The following OR9G1 variants were observed in gnomAD, a reference collection of about 807,000 sequenced individuals.
The protein encoded by OR9G1 is olfactory receptor 9G1.
Under a neutral mutation model 14.5 loss-of-function variants are expected in OR9G1, and 21 were observed. That is an observed-to-expected ratio of 1.45 (90% CI 1.03 to 2.09). OR9G1 has a LOEUF of 2.09. Ranked by LOEUF, OR9G1 falls within the 30% of genes most tolerant of loss-of-function variation. OR9G1 has a pLI of 0.00. For synonymous variants in OR9G1, 179 were observed against 153.3 expected (o/e 1.17, Z -1.24); for missense variants, 476 against 364.2 (o/e 1.31, Z -2.50).
In OR9G1 at chr11:56,700,905, T is replaced by A; in HGVS notation, c.518T>A (p.Ile173Asn). The change falls in exon 2 of 2, where the codon ATT (isoleucine) becomes AAT (asparagine). Residue 173 changes from isoleucine to asparagine, a missense_variant. Around this residue, in one of 3 missense-constraint regions of OR9G1, gnomAD observed 352 missense variants for 211.6 expected, o/e 1.66. Transcript: ENST00000642097. ...FSFNFCRENIIDDFFCDLLPL... is the reference protein window; with the variant it reads ...FSFNFCRENINDDFFCDLLPL... ...TTTAACTTCTGCCGTGAAAACATCA[T>A]TGATGACTTTTTCTGTGATTTGCTT... 1 of 1,614,268 alleles carries A rather than the reference T, an allele frequency of 6.2e-7. No individual in the cohort carries two copies. Among genetic ancestry groups the A allele is most frequent in the Non-Finnish European group, 8.5e-7 (1 of 1,180,016 alleles).
intron 1 of OR9G1, 85 bp from the exon 2 acceptor site, chr11:56,700,285 A>G (rs76620500): frequency 2.2e-6 from 3 of 1,357,672 alleles, no homozygotes; most frequent in East Asian, 2.6e-5. Flanking sequence ...AGACTTCACG[A>G]AACACTGCAA....
intron 1 of OR9G1, 143 bp from the exon 2 acceptor site, chr11:56,700,227 G>C (rs1243289512): frequency 7.7e-7 from 1 of 1,305,918 alleles, no homozygotes; most frequent in Admixed American, 3.1e-5. Context: ...AAGCCTGATT[G>C]TTGCAAAATG....
chr11:56,701,222 G>C lies in OR9G1; in HGVS notation c.835G>C (p.Val279Leu). ...MDKIVSTFYTVVFPMLNLMIY... is the reference protein window; with the variant it reads ...MDKIVSTFYTLVFPMLNLMIY... Reference sequence around the variant, plus strand: ...CAAAATAGTTTCTACATTTTACACTGTGGTATTCCCCATGTTGAATCTCAT... The same window carrying C: ...CAAAATAGTTTCTACATTTTACACTCTGGTATTCCCCATGTTGAATCTCAT... The change falls in exon 2 of 2, where the codon GTG (valine) becomes CTG (leucine). Residue 279 changes from valine (V) to leucine (L), a missense_variant. Transcript: ENST00000642097. 6.2e-7 allele frequency: 1 copy of C among 1,614,288 alleles called. No homozygotes were observed. Among genetic ancestry groups the C allele is most frequent in the Non-Finnish European group, 8.5e-7 (1 of 1,180,046 alleles).
chr11:56,701,545 A>C lies in OR9G1; in HGVS notation c.*240A>C. On this transcript the variant is annotated 3_prime_UTR_variant, in exon 2 of 2. Transcript: ENST00000642097. The stretch of plus-strand genomic sequence containing the variant: ...AACAAACATAAACCTTAAGCCCAAA[A>C]CCTCTCCTATACCTTCATAAAGTGA... The C allele has an allele frequency of 1.6e-6, 1 of 628,488 alleles. No homozygotes were observed. The highest frequency in any genetic ancestry group is 2.5e-6 in the Non-Finnish European group (1 of 397,516). 38.9% of individuals were successfully genotyped at this position (628,488 alleles called of 1,614,324 possible).
At position 56,700,982 on chromosome 11, in the gene OR9G1, T is replaced by C; in HGVS notation, c.595T>C (p.Tyr199His). Residue 199 changes from tyrosine to histidine, a missense_variant, in exon 2 of 2, where the codon TAC becomes CAC. Tyr to His is a moderately conservative substitution (Grantham distance 83). Transcript: ENST00000642097. ...GAAGGGCGGCTATAAAATTATGATG[T>C]ACTTCCTGCTGGCCTCCAATGTCAT... The part of the protein sequence containing the change: ...GEKGGYKIMM[Y>H]FLLASNVICP... 1.2e-6 allele frequency: 2 copies of C among 1,614,258 alleles called. No individual in the cohort carries two copies. The highest frequency in any genetic ancestry group is 1.7e-6 in the Non-Finnish European group (2 of 1,180,006).
At position 56,700,433 on chromosome 11, in the gene OR9G1, T is replaced by A. The variant is rs530091460; in HGVS notation, c.46T>A (p.Phe16Ile). The stretch of plus-strand genomic sequence containing the variant: ...AGTGACTGAGTTTATACTGCTGGGC[T>A]TCACCACAGACCCAGGAATGCAGCT... ...HTVTEFILLG[F>I]TTDPGMQLGL... is the part of the protein sequence containing the mutation. Residue 16 changes from phenylalanine to isoleucine, a missense_variant, in exon 2 of 2, where the codon TTC (phenylalanine) becomes ATC (isoleucine). Coordinates refer to ENST00000642097, the MANE Select transcript of OR9G1 (RefSeq NM_001005213.2). The A allele has an allele frequency of 1.2e-6, 2 of 1,614,310 alleles. No individual in the cohort carries two copies. Among genetic ancestry groups the A allele is most frequent in the South Asian group, 2.2e-5 (2 of 91,092 alleles).
At chr11:56,700,224 A>T in intron 1 of OR9G1, 146 bp from the exon 2 acceptor site, 8 of 1,258 alleles carry the variant, frequency 6.4e-3, no homozygotes, top group Non-Finnish European at 7.6e-3. Context: ...GCAAAGCCTG[A>T]TTGTTGCAAA....
Position 56,701,973 on chromosome 11 carries a change from A to G in OR9G1, c.*668A>G, listed in dbSNP as rs530654099. ...GGGGTGAACTTACAAGGACTTTTAC[A>G]TTAAAATTGTGACCTTCTGAGCATC... On this transcript the variant is annotated 3_prime_UTR_variant, in exon 2 of 2. Transcript: ENST00000642097. 6.6e-6 allele frequency: 1 copy of G among 152,432 alleles called. No homozygotes were observed. Among genetic ancestry groups the G allele is most frequent in the South Asian group, 2.1e-4 (1 of 4,834 alleles). The allele number at this position is 152,432 out of a possible 1,614,324, so 9.4% of individuals were successfully genotyped here. A position where few individuals can be genotyped will look rare whatever the true frequency, so the allele number is the denominator to read the frequency against.
In OR9G1 at chr11:56,700,537, T is replaced by G. The variant is rs778578396; in HGVS notation, c.150T>G (p.Asn50Lys). Residue 50 changes from asparagine (N) to lysine (K), a missense_variant, in exon 2 of 2, where the codon AAT becomes AAG. Asn to Lys is a moderately conservative substitution (Grantham distance 94). Coordinates refer to ENST00000642097, the MANE Select transcript of OR9G1 (RefSeq NM_001005213.2). ...GCACCCTCATCGTGTTGATCTGTAA[T>G]GACTCCTGCCTCCACACACCCATGT... ...GNSTLIVLIC[N>K]DSCLHTPMYF... is the part of the protein sequence containing the mutation. 4 of 1,614,200 alleles carry G rather than the reference T, an allele frequency of 2.5e-6. No homozygotes were observed.
Position 56,703,785 on chromosome 11 carries a change from G to A in OR9G1, c.*2480G>A, listed in dbSNP as rs1052608669. ...ATTCTTCAAATAAGAATAAGAATATGCCCATATATCCATATATTGTAAACA... is the reference window on the plus strand; with the variant it reads ...ATTCTTCAAATAAGAATAAGAATATACCCATATATCCATATATTGTAAACA... On this transcript the variant is annotated 3_prime_UTR_variant, in exon 2 of 2. Transcript: ENST00000642097. 2.1e-5 allele frequency: 3 copies of A among 142,340 alleles called. No individual in the cohort carries two copies. Among genetic ancestry groups the A allele is most frequent in the African/African-American group, 7.8e-5 (3 of 38,478 alleles). The allele number at this position is 142,340 out of a possible 1,614,324, so 8.8% of individuals were successfully genotyped here.
In OR9G1 at chr11:56,700,384, A is replaced by G. The variant is rs768028714; in HGVS notation, c.-4A>G. 6 of 1,614,016 alleles carry G rather than the reference A, an allele frequency of 3.7e-6. No individual in the cohort carries two copies. In the African/African-American group the frequency reaches 6.7e-5, roughly 18 times the overall value. On this transcript the variant is annotated 5_prime_UTR_variant, in exon 2 of 2. Transcript: ENST00000642097. ...TTTCCCCATAGGTGAGATTCCTTAC[A>G]GCCATGCAGAGGAGCAATCATACAG... is the stretch of plus-strand genomic sequence containing the variant.
At position 56,700,969 on chromosome 11, in the gene OR9G1, T is replaced by C; in HGVS notation, c.582T>C (p.Tyr194=). The C allele has an allele frequency of 1.2e-6, 2 of 1,614,252 alleles. No individual in the cohort carries two copies. The highest frequency in any genetic ancestry group is 1.7e-6 in the Non-Finnish European group (2 of 1,180,002). ...VELACGEKGG[Y]KIMMYFLLAS... is the part of the protein sequence containing the mutation. Reference sequence around the variant, plus strand: ...TGGCCTGTGGCGAGAAGGGCGGCTATAAAATTATGATGTACTTCCTGCTGG... The same window carrying C: ...TGGCCTGTGGCGAGAAGGGCGGCTACAAAATTATGATGTACTTCCTGCTGG... The change falls in exon 2 of 2, where the codon TAT becomes TAC. Residue 194 remains tyrosine (Y), a synonymous_variant. Transcript: ENST00000642097.
Position 56,701,299 on chromosome 11 carries a change from C to T in OR9G1, c.912C>T (p.Leu304=), listed in dbSNP as rs1857627781. The change falls in exon 2 of 2, where the codon CTC becomes CTT. Residue 304 remains leucine (L), a synonymous_variant. Transcript: ENST00000642097. ...KDVKEALKKL[L]P ...TGAAAGAGGCTCTGAAAAAACTTCT[C>T]CCATAAATCAAGATTATCTCCACCA... 1 of 1,601,338 alleles carries T rather than the reference C, an allele frequency of 6.2e-7. No homozygotes were observed. Among genetic ancestry groups the T allele is most frequent in the Non-Finnish European group, 8.5e-7 (1 of 1,176,154 alleles).
chr11:56,700,242 C>A, intron 1 of OR9G1, 128 bp from the exon 2 acceptor site: 1 of 1,396,298 alleles, frequency 7.2e-7, no homozygotes, highest in South Asian at 1.5e-5. Flanking sequence ...AAAATGAAGA[C>A]TTTCTAAAAC....
rs1857680753 is a variant in OR9G1 at position 56,703,561 on chromosome 11, TTA to T, written c.*2258_*2259del. The T allele has an allele frequency of 6.6e-6, 1 of 152,312 alleles. No individual in the cohort carries two copies. 9.4% of individuals were successfully genotyped at this position (152,312 alleles called of 1,614,324 possible). On this transcript the variant is annotated 3_prime_UTR_variant, in exon 2 of 2. Coordinates refer to ENST00000642097, the MANE Select transcript of OR9G1 (RefSeq NM_001005213.2). ...GTATATTGCAGTGGCAGTAAATCAA[TTA>T]TTTTATGTTTCTTGACCGAAACTAG...
chr11:56,701,013 C>G lies in OR9G1; in HGVS notation c.626C>G (p.Pro209Arg). The change falls in exon 2 of 2, where the codon CCC (proline) becomes CGC (arginine). Residue 209 changes from proline to arginine, a missense_variant. Physicochemically the swap from Pro to Arg is moderately radical, Grantham distance 103. This residue lies in a region of OR9G1 where 352 missense variants were observed against 211.6 expected (regional missense o/e 1.66). Coordinates refer to ENST00000642097, the MANE Select transcript of OR9G1 (RefSeq NM_001005213.2). ...YFLLASNVIC[P>R]AVLILASYLF... ...CTGCTGGCCTCCAATGTCATCTGCC[C>G]CGCAGTGCTCATCCTGGCCTCCTAC... 1.9e-6 allele frequency: 3 copies of G among 1,614,272 alleles called. No homozygotes were observed. Among genetic ancestry groups the G allele is most frequent in the South Asian group, 2.2e-5 (2 of 91,092 alleles).
Position 56,700,817 on chromosome 11 carries a change from G to C in OR9G1, c.430G>C (p.Val144Leu). Reference protein sequence around the residue: ...AMSIKLCALLVAVSYCGGFIN... With the variant: ...AMSIKLCALLLAVSYCGGFIN... ...GTCCATAAAGCTGTGTGCATTGCTG[G>C]TAGCAGTCTCATATTGTGGTGGCTT... The change falls in exon 2 of 2, where the codon GTA becomes CTA. Residue 144 changes from valine (V) to leucine (L), a missense_variant. Physicochemically the swap from Val to Leu is conservative, Grantham distance 32 (BLOSUM62 1). This residue lies in a region of OR9G1 where 352 missense variants were observed against 211.6 expected (regional missense o/e 1.66). Transcript: ENST00000642097. The C allele has an allele frequency of 6.2e-7, 1 of 1,614,320 alleles. No individual in the cohort carries two copies. The highest frequency in any genetic ancestry group is 2.2e-5 in the East Asian group (1 of 44,894).
chr11:56,700,958 A>C lies in OR9G1; in HGVS notation c.571A>C (p.Lys191Gln). Residue 191 changes from lysine (K) to glutamine (Q), a missense_variant, in exon 2 of 2, where the codon AAG (lysine) becomes CAG (glutamine). Around this residue, in one of 3 missense-constraint regions of OR9G1, gnomAD observed 352 missense variants for 211.6 expected, o/e 1.66. Coordinates refer to ENST00000642097, the MANE Select transcript of OR9G1 (RefSeq NM_001005213.2). ...LPLVELACGE[K>Q]GGYKIMMYFL... ...CTTGGTGGAGCTGGCCTGTGGCGAG[A>C]AGGGCGGCTATAAAATTATGATGTA... 3 of 1,614,258 alleles carry C rather than the reference A, an allele frequency of 1.9e-6. No homozygotes were observed. The highest frequency in any genetic ancestry group is 2.5e-6 in the Non-Finnish European group (3 of 1,180,006).
chr11:56,700,381 T>C lies in OR9G1; in HGVS notation c.-7T>C. ...TTCTTTCCCCATAGGTGAGATTCCT[T>C]ACAGCCATGCAGAGGAGCAATCATA... On this transcript the variant is annotated 5_prime_UTR_variant, in exon 2 of 2. Transcript: ENST00000642097. The C allele has an allele frequency of 6.2e-7, 1 of 1,614,090 alleles. No homozygotes were observed. Among genetic ancestry groups the C allele is most frequent in the East Asian group, 2.2e-5 (1 of 44,894 alleles).
Sources: gnomAD v4.1 joint callset for allele counts on GRCh38, gnomAD v4.1.1 for gene constraint, gnomAD v4.1.1 regional missense constraint, MANE v1.5 for transcripts, NCBI Gene and HGNC (gene_info 2026-07-23, HGNC 2026-07-21) for gene names.